TENM3: variants seen among roughly 807,000 people sequenced by gnomAD.
The protein encoded by TENM3 is teneurin-3.
TENM3 carries 63 observed loss-of-function variants against 255.1 expected under a neutral mutation model. The ratio of observed to expected loss-of-function variants is 0.25; its 90% CI spans 0.20 to 0.30. The LOEUF (loss-of-function observed/expected upper bound fraction) is 0.30. Among genes scored for constraint, TENM3 ranks in the 10% least tolerant of loss-of-function variants. The pLI is 1.00. For missense variants in TENM3, 2,929 were observed against 3,461.1 expected (o/e 0.85, Z 3.86); for synonymous variants, 1,306 against 1,322.3 (o/e 0.99, Z 0.27).
At chr4:181,714,347 T>C in the TENM3 span, among the ~76,000 whole-genome samples, 1 of 151,904 alleles carries the variant, frequency 6.6e-6, no homozygotes, top group African/African-American at 2.4e-5. Flanking sequence ...GAGGCTGGGG[T>C]GAGAGGATCA....
the TENM3 span, among the ~76,000 whole-genome samples, chr4:181,698,018 GC>G: frequency 2.0e-5 from 3 of 151,814 alleles, no homozygotes; most frequent in Non-Finnish European, 2.9e-5. Context: ...TTTGAGACCG[GC>G]CTGGCCACCA....
chr4:181,933,736 A>G, the TENM3 span, among the ~76,000 whole-genome samples: 1 of 152,330 alleles, frequency 6.6e-6, no homozygotes, highest in Non-Finnish European at 1.5e-5. Flanking sequence ...TAGTATCAGC[A>G]ACTAAAAATG....
the TENM3 span, among the ~76,000 whole-genome samples, chr4:181,698,113 C>T: frequency 1.3e-5 from 2 of 151,122 alleles, no homozygotes; most frequent in Non-Finnish European, 2.9e-5. Context: ...ACTTGGAAGG[C>T]TGAGGCAGGA....
intron 3 of TENM3, among the ~76,000 whole-genome samples, chr4:182,563,433 C>CA (rs939828577): frequency 5.4e-5 from 8 of 148,958 alleles, no homozygotes; most frequent in Non-Finnish European, 7.4e-5. Flanking sequence ...GACTCCATCT[C>CA]AAAAAAAAAG....
the TENM3 span, among the ~76,000 whole-genome samples, chr4:181,990,362 A>G: frequency 6.6e-6 from 1 of 152,184 alleles, no homozygotes; most frequent in African/African-American, 2.4e-5. Flanking sequence ...TTGATACATA[A>G]TTCTTAGAAT....
chr4:181,969,555 G>T, the TENM3 span, among the ~76,000 whole-genome samples: 1 of 152,214 alleles, frequency 6.6e-6, no homozygotes, highest in East Asian at 1.9e-4. Flanking sequence ...AGCATTAACG[G>T]GAATACCTGT....
chr4:181,804,602 G>A, the TENM3 span, among the ~76,000 whole-genome samples: 1 of 152,152 alleles, frequency 6.6e-6, no homozygotes, highest in Admixed American at 6.5e-5. Flanking sequence ...AGATACAGAG[G>A]GAAAGGCAAT....
the TENM3 span, among the ~76,000 whole-genome samples, chr4:181,480,186 AT>A: frequency 6.6e-6 from 1 of 151,948 alleles, no homozygotes. Context: ...TAAAATGTTT[AT>A]TTTTTTCTCT....
At chr4:181,949,251 A>G in the TENM3 span, among the ~76,000 whole-genome samples, 2 of 152,188 alleles carry the variant, frequency 1.3e-5, no homozygotes, top group African/African-American at 4.8e-5. Flanking sequence ...TACAAACTGG[A>G]TTTATTTCTA....
intron 3 of TENM3, among the ~76,000 whole-genome samples, chr4:182,537,691 C>G (rs1463445699): frequency 2.0e-5 from 3 of 152,136 alleles, no homozygotes; most frequent in Non-Finnish European, 4.4e-5. Flanking sequence ...TCTAGTAATT[C>G]TACATTTTCC....
chr4:182,157,449 C>T (rs1488541102), intron 1 of TENM3, among the ~76,000 whole-genome samples: 1 of 152,220 alleles, frequency 6.6e-6, no homozygotes, highest in Non-Finnish European at 1.5e-5. Flanking sequence ...GCCTCAGCTG[C>T]TGACACAGTG....
At chr4:182,136,784 A>T in the TENM3 span, among the ~76,000 whole-genome samples, 1 of 152,226 alleles carries the variant, frequency 6.6e-6, no homozygotes, top group Admixed American at 6.5e-5. Context: ...CACTGTTTCA[A>T]CATAAGATGA....
chr4:182,502,910 CTTTTTTTTTTTTTTTTT>C (rs10671906), intron 3 of TENM3, among the ~76,000 whole-genome samples: 1 of 77,370 alleles, frequency 1.3e-5, no homozygotes. Context: ...TGAAGTCAGC[CTTTTTTTTTTTTTTTTT>C]TTTTTTTTTA....
intron 19 of TENM3, among the ~76,000 whole-genome samples, chr4:182,750,531 C>T (rs979823766): frequency 5.6e-4 from 85 of 152,216 alleles, no homozygotes; most frequent in African/African-American, 2.0e-3. Context: ...AGCACTTAGA[C>T]GGAAAATCAT....
chr4:182,168,828 A>C (rs182161457), intron 1 of TENM3, among the ~76,000 whole-genome samples: 1 of 152,194 alleles, frequency 6.6e-6, no homozygotes, highest in Admixed American at 6.5e-5. Flanking sequence ...AGCCCATTTT[A>C]TCTCTTCATT....
At chr4:182,137,343 C>CCA in the TENM3 span, among the ~76,000 whole-genome samples, 233 of 144,668 alleles carry the variant, frequency 1.6e-3, 1 homozygote, top group African/African-American at 5.7e-3. Context: ...TCCCCCCCCC[C>CCA]AAAAAGGAAT....
At chr4:181,758,419 G>A in the TENM3 span, among the ~76,000 whole-genome samples, 1 of 152,254 alleles carries the variant, frequency 6.6e-6, no homozygotes, top group South Asian at 2.1e-4. Flanking sequence ...AATGTGAAGA[G>A]GGGATGCAGA....
At chr4:182,453,026 G>GTA (rs10531343) in intron 3 of TENM3, among the ~76,000 whole-genome samples, 6,499 of 150,384 alleles carry the variant, frequency 0.043, 173 homozygotes, top group Non-Finnish European at 0.063. Flanking sequence ...TTTTATATGT[G>GTA]TATATATATA....
the TENM3 span, among the ~76,000 whole-genome samples, chr4:181,781,678 G>A: frequency 6.6e-6 from 1 of 152,096 alleles, no homozygotes; most frequent in East Asian, 1.9e-4. Flanking sequence ...GGTGAGAGAG[G>A]GCATCCCTGT....
Sources: allele counts gnomAD v4.1 joint callset (sites outside exome capture counted in the v4.1 genomes callset), GRCh38; gene constraint gnomAD v4.1.1; transcripts MANE v1.5; gene names NCBI Gene and HGNC (gene_info 2026-07-23, HGNC 2026-07-21).